PDE8B: variants seen among roughly 807,000 people sequenced by gnomAD.
PDE8B encodes high affinity cAMP-specific and IBMX-insensitive 3',5'-cyclic phosphodiesterase 8B.
In PDE8B, 26 loss-of-function variants were observed where a neutral mutation model predicts 101.3. That is an observed-to-expected ratio of 0.26 (90% CI 0.19 to 0.36). The LOEUF is 0.36. Ranked by LOEUF, PDE8B falls within the 10% of genes least tolerant of loss-of-function variation. The probability of loss-of-function intolerance (pLI) is 1.00; values close to 1 mark genes in which losing one functional copy is unlikely to be tolerated. For synonymous variants in PDE8B, 424 were observed against 429.3 expected, an observed-to-expected ratio of 0.99 and a Z score of 0.15; for missense variants, 810 against 1,163.1, an observed-to-expected ratio of 0.70 and a Z score of 4.42.
At chr5:77,189,343 A>G in the PDE8B span, among the ~76,000 whole-genome samples, 2 of 152,258 alleles carry the variant, frequency 1.3e-5, no homozygotes, top group East Asian at 3.9e-4. Context: ...AGAGGAGGAG[A>G]AGGAGAGGAA....
intron 1 of PDE8B, among the ~76,000 whole-genome samples, chr5:77,289,458 A>C (rs947582403): frequency 5.3e-5 from 8 of 152,238 alleles, no homozygotes; most frequent in African/African-American, 1.9e-4. Flanking sequence ...TATCTTTGTA[A>C]GGCCTGAAAA....
the PDE8B span, among the ~76,000 whole-genome samples, chr5:77,181,696 A>G: frequency 1.3e-5 from 2 of 152,144 alleles, no homozygotes; most frequent in African/African-American, 2.4e-5. Flanking sequence ...GCTGCCTTCC[A>G]TGGACGGTCG....
the PDE8B span, among the ~76,000 whole-genome samples, chr5:77,184,560 T>G: frequency 6.6e-6 from 1 of 152,238 alleles, no homozygotes; most frequent in East Asian, 1.9e-4. Flanking sequence ...TGATTTTATC[T>G]AATATCACAT....
the PDE8B span, among the ~76,000 whole-genome samples, chr5:77,123,563 GC>G: frequency 6.6e-6 from 1 of 152,056 alleles, no homozygotes; most frequent in Admixed American, 6.5e-5. Flanking sequence ...TTTGAGACCA[GC>G]CTGGGTAACA....
chr5:77,086,726 A>T, the PDE8B span: 1 of 152,218 alleles, frequency 6.6e-6, no homozygotes, highest in Non-Finnish European at 1.5e-5. Context: ...ACATCAAGCA[A>T]GTCCCAGTTA....
At chr5:77,309,205 A>AAAGG (rs1210291190) in intron 1 of PDE8B, among the ~76,000 whole-genome samples, 1 of 130,930 alleles carries the variant, frequency 7.6e-6, no homozygotes, top group Admixed American at 7.8e-5. Context: ...AAAAAGAAAG[A>AAAGG]AAGGAAGGAA....
chr5:77,390,721 G>C (rs917948790), intron 10 of PDE8B, among the ~76,000 whole-genome samples: 1 of 152,224 alleles, frequency 6.6e-6, no homozygotes, highest in African/African-American at 2.4e-5. Flanking sequence ...ACTAATGCAG[G>C]GGGTGTTTCC....
intron 10 of PDE8B, among the ~76,000 whole-genome samples, chr5:77,398,774 C>T (rs755246921): frequency 3.9e-5 from 6 of 152,210 alleles, no homozygotes; most frequent in Non-Finnish European, 8.8e-5. Flanking sequence ...GGGTCATCCC[C>T]ACACTCACGG....
At chr5:77,161,097 A>T in the PDE8B span, among the ~76,000 whole-genome samples, 4 of 152,360 alleles carry the variant, frequency 2.6e-5, no homozygotes, top group African/African-American at 9.6e-5. Flanking sequence ...ATTTACATAC[A>T]ATAAAATGCA....
At chr5:77,210,646 G>A, upstream of PDE8B, 1 of 981,236 alleles carries the variant, frequency 1.0e-6, no homozygotes, top group Non-Finnish European at 1.2e-6. This position sits in a 1 kb window ranked among gnomAD's most constrained non-coding sequence, Gnocchi z 4.9. Context: ...GCCGCGGCGG[G>A]GAGGGTGGCG....
the PDE8B span, among the ~76,000 whole-genome samples, chr5:77,098,262 T>C: frequency 6.6e-6 from 1 of 150,800 alleles, no homozygotes; most frequent in Non-Finnish European, 1.5e-5. Flanking sequence ...ACCTTTAGGC[T>C]TTTTCAGACC....
intron 10 of PDE8B, 147 bp from the exon 11 acceptor site, chr5:77,400,101 T>C (rs1791933238): frequency 1.5e-6 from 1 of 657,760 alleles, no homozygotes; most frequent in Non-Finnish European, 2.7e-6. Context: ...ACTTGGTGTA[T>C]GTCTTTCATC....
At chr5:77,108,000 A>C in the PDE8B span, among the ~76,000 whole-genome samples, 1 of 152,136 alleles carries the variant, frequency 6.6e-6, no homozygotes, top group African/African-American at 2.4e-5. Flanking sequence ...AACAGATCGC[A>C]GTCATTCCAG....
At position 77,308,795 on chromosome 5, in the gene PDE8B, G is replaced by A. The variant is rs77257761; in HGVS notation, c.340-3199G>A. ...TTCACAGTCATCAGATATTCTCCTG[G>A]TAGAGTCAAAAGTCGCCTGCCCTTC... On this transcript the variant is annotated intron_variant, in intron 1 of 21. Coordinates refer to ENST00000264917, the MANE Select transcript of PDE8B (RefSeq NM_003719.5). Among the ~76,000 whole-genome samples, 546 of 152,208 alleles carry A rather than the reference G, an allele frequency of 3.6e-3. 1 individual carries two copies. Among genetic ancestry groups the A allele is most frequent in the African/African-American group, 0.013 (523 of 41,516 alleles).
In PDE8B at chr5:77,324,353, G is replaced by GGGGGTACAAGC. The variant is rs544600817; in HGVS notation, c.400-1185_400-1175dup. Among the ~76,000 whole-genome samples, 27 of 152,268 alleles carry GGGGGTACAAGC rather than the reference G, an allele frequency of 1.8e-4. No individual in the cohort carries two copies. The South Asian group carries it at 4.8e-3, about 27-fold the overall frequency. ...AAGTGCCAGCCTGGTGCTGGGCATG[G>GGGGGTACAAGC]GGGGTACAAGCAGGGAACAAGCCAG... On this transcript the variant is annotated intron_variant, in intron 2 of 21. Coordinates refer to ENST00000264917, the MANE Select transcript of PDE8B (RefSeq NM_003719.5).
chr5:77,191,028 T>C, the PDE8B span, among the ~76,000 whole-genome samples: 1 of 152,210 alleles, frequency 6.6e-6, no homozygotes, highest in African/African-American at 2.4e-5. Context: ...TGGTTTCTGG[T>C]GATGCCCTTC....
intron 5 of PDE8B, among the ~76,000 whole-genome samples, chr5:77,332,912 C>T (rs1777423446): frequency 1.3e-5 from 2 of 151,078 alleles, no homozygotes; most frequent in East Asian, 3.9e-4. Flanking sequence ...TAGGGTACTG[C>T]GTGTGCCTTG....
the PDE8B span, chr5:77,166,535 T>C: frequency 6.6e-6 from 1 of 152,254 alleles, no homozygotes; most frequent in Non-Finnish European, 1.5e-5. Context: ...CCTGGAATAA[T>C]GACGCCTATC....
the PDE8B span, chr5:77,118,934 A>G: frequency 6.6e-6 from 1 of 152,272 alleles, no homozygotes; most frequent in African/African-American, 2.4e-5. Context: ...ACTTAAGCCA[A>G]AACAAAAACT....
Sources: allele counts gnomAD v4.1 joint callset (sites outside exome capture counted in the v4.1 genomes callset), GRCh38; gene constraint gnomAD v4.1.1; non-coding constraint Gnocchi (gnomAD v3.1); transcripts MANE v1.5; gene names NCBI Gene and HGNC (gene_info 2026-07-23, HGNC 2026-07-21).